XPNPEP3: variants seen among roughly 807,000 people sequenced by gnomAD.
XPNPEP3 encodes X-prolyl aminopeptidase 3, also known as xaa-Pro aminopeptidase 3.
A neutral mutation model predicts 60.0 loss-of-function variants in XPNPEP3; 41 were observed. The observed-to-expected ratio is 0.68, with a 90% CI of 0.53 to 0.89. XPNPEP3 has a LOEUF of 0.89. XPNPEP3 is among the 40% of genes least tolerant of loss of function. The pLI is 0.00. For synonymous variants in XPNPEP3, 212 were observed against 223.2 expected (o/e 0.95, Z 0.45); for missense variants, 598 against 638.9 (o/e 0.94, Z 0.69).
chr22:40,873,080 CTTTT>C (rs2058013048), intron 2 of XPNPEP3, among the ~76,000 whole-genome samples: 1 of 111,594 alleles, frequency 9.0e-6, no homozygotes, highest in African/African-American at 3.2e-5. Flanking sequence ...TGGTTGTTTT[CTTTT>C]TCTTTTTCTT....
chr22:40,907,549 T>C, intron 4 of XPNPEP3, 38 bp from the exon 5 acceptor site: 2 of 1,583,316 alleles, frequency 1.3e-6, no homozygotes, highest in Non-Finnish European at 1.7e-6. Flanking sequence ...CAACATAGAA[T>C]GAGATCGTGT....
intron 4 of XPNPEP3, among the ~76,000 whole-genome samples, chr22:40,902,559 AT>A (rs1420276401): frequency 7.9e-5 from 12 of 151,934 alleles, no homozygotes; most frequent in Admixed American, 7.9e-4. Flanking sequence ...CAATTTTTGT[AT>A]TTTTAGCAGA....
chr22:40,882,488 T>G (rs944108791), intron 3 of XPNPEP3, among the ~76,000 whole-genome samples: 3 of 151,898 alleles, frequency 2.0e-5, no homozygotes, highest in African/African-American at 7.3e-5. Context: ...AATAGAAAAA[T>G]TAGCCAGGCA....
At chr22:40,899,710 T>G (rs1270593068) in intron 4 of XPNPEP3, among the ~76,000 whole-genome samples, 2 of 151,604 alleles carry the variant, frequency 1.3e-5, no homozygotes, top group South Asian at 2.1e-4. Flanking sequence ...TCCCAGCTAC[T>G]TGGGAGGCTG....
rs1389827501 is a variant in XPNPEP3, at chr22:40,860,882, A to G, written c.64+3637A>G. 10 of 674,774 alleles carry G rather than the reference A, an allele frequency of 1.5e-5. No homozygotes were observed. In the Admixed American group the frequency reaches 3.3e-4, roughly 22 times the overall value. 41.8% of individuals were successfully genotyped at this position (674,774 alleles called of 1,614,324 possible). A position where few individuals can be genotyped will look rare whatever the true frequency, so the allele number is the denominator to read the frequency against. On this transcript the variant is annotated intron_variant, in intron 1 of 9. Transcript: ENST00000357137. ...CCCAGGCAAATTCTTATTAGCACCA[A>G]CTGTCACCACAAACTCATCCTTTTC...
At chr22:40,869,698 A>G (rs1294252563) in intron 2 of XPNPEP3, among the ~76,000 whole-genome samples, 2 of 152,200 alleles carry the variant, frequency 1.3e-5, no homozygotes, top group African/African-American at 4.8e-5. Context: ...TTTCTGCTAT[A>G]AGATCCCAGC....
At chr22:40,906,490 G>A (rs1295884298) in intron 4 of XPNPEP3, among the ~76,000 whole-genome samples, 1 of 151,768 alleles carries the variant, frequency 6.6e-6, no homozygotes. Context: ...TACTTATACT[G>A]TAGGTCAGTG....
At chr22:40,907,786 C>T in intron 5 of XPNPEP3, 137 bp downstream of exon 5, 1 of 858,998 alleles carries the variant, frequency 1.2e-6, no homozygotes. Context: ...TCTGAAATAT[C>T]ACTGGTCATT....
At chr22:40,877,998 G>A (rs2058034014) in intron 2 of XPNPEP3, among the ~76,000 whole-genome samples, 2 of 152,126 alleles carry the variant, frequency 1.3e-5, no homozygotes, top group African/African-American at 4.8e-5. Flanking sequence ...CCTGAGGTCA[G>A]GAGTTCAAGA....
intron 4 of XPNPEP3, among the ~76,000 whole-genome samples, chr22:40,895,727 G>A (rs571512964): frequency 1.3e-5 from 2 of 152,140 alleles, no homozygotes; most frequent in African/African-American, 4.8e-5. Flanking sequence ...TCTGATGCTT[G>A]ACCAACTGAG....
intron 2 of XPNPEP3, among the ~76,000 whole-genome samples, chr22:40,871,817 G>A (rs974518939): frequency 1.3e-5 from 2 of 152,094 alleles, no homozygotes; most frequent in South Asian, 2.1e-4. Flanking sequence ...GATGGATCAC[G>A]AGGTCAGGAG....
In XPNPEP3 at chr22:40,928,633, A is replaced by G. The variant is rs139822577; in HGVS notation, c.*2198A>G. The G allele has an allele frequency of 6.6e-6, 1 of 152,310 alleles. No individual in the cohort carries two copies. The highest frequency in any genetic ancestry group is 6.5e-5 in the Admixed American group (1 of 15,276). 9.4% of individuals were successfully genotyped at this position (152,310 alleles called of 1,614,324 possible). A position where few individuals can be genotyped will look rare whatever the true frequency, so the allele number is the denominator to read the frequency against. On this transcript the variant is annotated 3_prime_UTR_variant, in exon 10 of 10. Transcript: ENST00000357137. ...AGCGTCTGTGATAGAGGGAAGCTTT[A>G]AGAACCAGTGTGTTCACCTCCTTTA...
At chr22:40,884,855 G>C (rs146692695) in intron 3 of XPNPEP3, among the ~76,000 whole-genome samples, 13 of 151,302 alleles carry the variant, frequency 8.6e-5, no homozygotes, top group African/African-American at 3.2e-4. Context: ...GTGAAACCCC[G>C]TCTCTACTAA....
At chr22:40,867,578 A>G (rs1473541380) in intron 1 of XPNPEP3, among the ~76,000 whole-genome samples, 2 of 152,160 alleles carry the variant, frequency 1.3e-5, no homozygotes, top group Non-Finnish European at 2.9e-5. Context: ...CCTGGGCAAC[A>G]TAGTGAGACC....
chr22:40,914,323 A>C lies in XPNPEP3; in HGVS notation c.1054A>C (p.Arg352=). 6.2e-7 allele frequency: 1 copy of C among 1,613,616 alleles called. No homozygotes were observed. Among genetic ancestry groups the C allele is most frequent in the South Asian group, 1.1e-5 (1 of 91,076 alleles). ...DITRTWPVNG[R]FTAPQAELYE... Reference sequence around the variant, plus strand: ...CACACGTACGTGGCCAGTCAATGGCAGGTAGGGCTTCTACAGAGTAACGTA... The same window carrying C: ...CACACGTACGTGGCCAGTCAATGGCCGGTAGGGCTTCTACAGAGTAACGTA... Residue 352 remains arginine (R), a splice_region_variant and synonymous_variant, in exon 7 of 10, where the codon AGG becomes CGG. Coordinates refer to ENST00000357137, the MANE Select transcript of XPNPEP3 (RefSeq NM_022098.4).
At chr22:40,888,466 A>G in intron 4 of XPNPEP3, 1 of 416,708 alleles carries the variant, frequency 2.4e-6, no homozygotes, top group Non-Finnish European at 4.8e-6. Flanking sequence ...CTAGTCTCGA[A>G]CTCCTGAGCT....
chr22:40,867,366 A>C (rs974626463), intron 1 of XPNPEP3, among the ~76,000 whole-genome samples: 1 of 152,120 alleles, frequency 6.6e-6, no homozygotes, highest in East Asian at 1.9e-4. Context: ...ATACTGTACA[A>C]TCTCCTTGTG....
chr22:40,859,503 G>C (rs1328358744), intron 1 of XPNPEP3: 2 of 151,990 alleles, frequency 1.3e-5, no homozygotes, highest in African/African-American at 4.8e-5. Context: ...CCACATGCAT[G>C]ATAACAGATA....
intron 1 of XPNPEP3, among the ~76,000 whole-genome samples, chr22:40,867,130 T>C (rs1416438038): frequency 6.6e-6 from 1 of 152,224 alleles, no homozygotes; most frequent in Non-Finnish European, 1.5e-5. Flanking sequence ...GAAGGCTTTG[T>C]ATTCTAAATT....
Sources: allele counts gnomAD v4.1 joint callset (sites outside exome capture counted in the v4.1 genomes callset), GRCh38; gene constraint gnomAD v4.1.1; transcripts MANE v1.5; gene names NCBI Gene and HGNC (gene_info 2026-07-23, HGNC 2026-07-21).